Variants in SLC35F4 observed in about 807,000 individuals in gnomAD.
The protein encoded by SLC35F4 is chromosome 14 open reading frame 36.
SLC35F4 carries 24 observed loss-of-function variants against 44.2 expected under a neutral mutation model. That is an observed-to-expected ratio of 0.54 (90% CI 0.39 to 0.76). SLC35F4 has a LOEUF of 0.76. Among genes scored for constraint, SLC35F4 ranks in the 30% least tolerant of loss-of-function variants. The pLI, the probability that SLC35F4 is intolerant of heterozygous loss-of-function variation, is 0.00. For missense variants in SLC35F4, 562 were observed against 586.1 expected (o/e 0.96, Z 0.42); for synonymous variants, 238 against 223.6 (o/e 1.06, Z -0.57).
At chr14:57,734,714 G>C (rs2076423161) in intron 1 of SLC35F4, among the ~76,000 whole-genome samples, 1 of 152,068 alleles carries the variant, frequency 6.6e-6, no homozygotes, top group Non-Finnish European at 1.5e-5. Context: ...AAAAAGAAAA[G>C]GCTTTTGATA....
chr14:57,774,376 G>A (rs2140701840), intron 1 of SLC35F4, among the ~76,000 whole-genome samples: 1 of 152,322 alleles, frequency 6.6e-6, no homozygotes, highest in East Asian at 1.9e-4. Flanking sequence ...GGACACTTGT[G>A]TTGGCATGGA....
intron 2 of SLC35F4, among the ~76,000 whole-genome samples, chr14:57,591,950 A>G (rs922152982): frequency 2.6e-5 from 4 of 152,206 alleles, no homozygotes; most frequent in African/African-American, 7.2e-5. Context: ...GATGACACCA[A>G]TAGTCACCTA....
At chr14:57,728,330 T>C (rs1217218809) in intron 1 of SLC35F4, among the ~76,000 whole-genome samples, 1 of 152,080 alleles carries the variant, frequency 6.6e-6, no homozygotes, top group African/African-American at 2.4e-5. Flanking sequence ...TGTTTTTTCA[T>C]ACATTCAGCC....
intron 1 of SLC35F4, among the ~76,000 whole-genome samples, chr14:57,686,336 G>A (rs979519118): frequency 3.0e-4 from 45 of 152,142 alleles, no homozygotes; most frequent in Non-Finnish European, 5.9e-5. Flanking sequence ...TACTCAAGCT[G>A]TCCCTAGAGC....
chr14:57,661,461 T>C (rs1189072773), intron 1 of SLC35F4, among the ~76,000 whole-genome samples: 1 of 152,210 alleles, frequency 6.6e-6, no homozygotes, highest in Non-Finnish European at 1.5e-5. Flanking sequence ...CATTATTGAC[T>C]TTAGGTTCTA....
chr14:57,937,066 T>TA lies in SLC35F4; in HGVS notation n.282+44846_282+44847insT, dbSNP rs745566380. On this transcript the variant is annotated intron_variant and non_coding_transcript_variant, in intron 1 of 1. Transcript: ENST00000556568. ...GAAATTAATAAATATTTTACCTGCT[T>TA]TTTTTTTTTTTTCTTTTTGAGATAG... Among the ~76,000 whole-genome samples, 10 of 147,602 alleles carry TA rather than the reference T, an allele frequency of 6.8e-5. No homozygotes were observed. The East Asian group carries it at 1.2e-3, about 17-fold the overall frequency.
chr14:57,578,325 G>GTTTGTTTTTT (rs2068957220), intron 4 of SLC35F4, among the ~76,000 whole-genome samples: 2 of 43,166 alleles, frequency 4.6e-5, no homozygotes, highest in African/African-American at 1.6e-4. Context: ...CCCTTTAACT[G>GTTTGTTTTTT]TTTTTTTTTT....
downstream of SLC35F4, among the ~76,000 whole-genome samples, chr14:57,973,572 T>C (rs574616124): frequency 6.6e-6 from 1 of 152,286 alleles, no homozygotes; most frequent in South Asian, 2.1e-4. Context: ...GAATAAATGT[T>C]GTGGCCCAAT....
At chr14:57,882,155 G>A (rs1199867006) in intron 1 of SLC35F4, among the ~76,000 whole-genome samples, 2 of 152,058 alleles carry the variant, frequency 1.3e-5, no homozygotes, top group East Asian at 1.9e-4. Flanking sequence ...TGCTAGCTCC[G>A]ATCTCAGCTT....
At chr14:57,654,613 T>C (rs7153992) in intron 1 of SLC35F4, among the ~76,000 whole-genome samples, 63,010 of 152,088 alleles carry the variant, frequency 0.41, 15,556 homozygotes, top group Non-Finnish European at 0.53. Flanking sequence ...ATACCCATAG[T>C]GGGATTGCTG....
chr14:57,738,267 T>C (rs904482645), intron 1 of SLC35F4, among the ~76,000 whole-genome samples: 5 of 152,144 alleles, frequency 3.3e-5, no homozygotes, highest in African/African-American at 1.2e-4. Context: ...ACAGGGAGTA[T>C]AAATCCAGAC....
upstream of SLC35F4, among the ~76,000 whole-genome samples, chr14:57,982,451 G>C (rs774402441): frequency 6.6e-6 from 1 of 152,166 alleles, no homozygotes; most frequent in African/African-American, 2.4e-5. Context: ...CAACTTCCCT[G>C]ATGAACCAGC....
intron 1 of SLC35F4, among the ~76,000 whole-genome samples, chr14:57,686,907 A>T (rs900379965): frequency 2.0e-5 from 3 of 152,178 alleles, no homozygotes; most frequent in African/African-American, 7.2e-5. Context: ...TAACTCTCAG[A>T]ACCTCAGAAT....
At chr14:57,954,786 G>A (rs1890205751) in intron 1 of SLC35F4, among the ~76,000 whole-genome samples, 1 of 151,604 alleles carries the variant, frequency 6.6e-6, no homozygotes, top group South Asian at 2.1e-4. Flanking sequence ...GTAATTAATA[G>A]CTTAACAACC....
chr14:57,768,999 T>A (rs2077298391), intron 1 of SLC35F4, among the ~76,000 whole-genome samples: 1 of 152,156 alleles, frequency 6.6e-6, no homozygotes, highest in Admixed American at 6.5e-5. Flanking sequence ...CTGATTTGCC[T>A]GCCTTCACCT....
At chr14:57,799,121 G>C (rs1028029876) in intron 1 of SLC35F4, among the ~76,000 whole-genome samples, 4 of 152,188 alleles carry the variant, frequency 2.6e-5, no homozygotes, top group Non-Finnish European at 5.9e-5. Context: ...TTCTTGCATT[G>C]GGACTGACTA....
At chr14:57,931,198 A>G (rs808225) in intron 1 of SLC35F4, among the ~76,000 whole-genome samples, 75,357 of 151,964 alleles carry the variant, frequency 0.5, 19,888 homozygotes, top group East Asian at 0.76. Context: ...GTCCAATGCC[A>G]CTTCTAGTAC....
intron 1 of SLC35F4, among the ~76,000 whole-genome samples, chr14:57,966,818 T>G (rs1159947531): frequency 6.6e-6 from 1 of 152,124 alleles, no homozygotes; most frequent in African/African-American, 2.4e-5. Flanking sequence ...GAGACCAGCC[T>G]GGCCAACATG....
chr14:57,906,692 A>T (rs115115230), intron 1 of SLC35F4, among the ~76,000 whole-genome samples: 121 of 152,314 alleles, frequency 7.9e-4, no homozygotes, highest in African/African-American at 2.5e-3. Flanking sequence ...CTTACATTGG[A>T]TATCTATGGC....
Sources: allele counts gnomAD v4.1 joint callset (sites outside exome capture counted in the v4.1 genomes callset), GRCh38; gene constraint gnomAD v4.1.1; transcripts MANE v1.5; gene names NCBI Gene and HGNC (gene_info 2026-07-23, HGNC 2026-07-21).